Variants in KDM4C observed in about 807,000 individuals in gnomAD.
KDM4C encodes the protein lysine-specific demethylase 4C.
Under a neutral mutation model 129.3 loss-of-function variants are expected in KDM4C, and 81 were observed. The ratio of observed to expected loss-of-function variants is 0.63; its 90% confidence interval spans 0.52 to 0.75. The LOEUF (loss-of-function observed/expected upper bound fraction) is 0.75. Among genes scored for constraint, KDM4C ranks in the 30% least tolerant of loss-of-function variants. The probability of loss-of-function intolerance (pLI) is 0.00; values close to 1 mark genes in which losing one functional copy is unlikely to be tolerated. For synonymous variants in KDM4C, 573 were observed against 456.1 expected, an observed-to-expected ratio of 1.26 and a Z score of -3.26; for missense variants, 1,457 against 1,304.0, an observed-to-expected ratio of 1.12 and a Z score of -1.81.
intron 17 of KDM4C, among the ~76,000 whole-genome samples, chr9:7,068,281 G>C (rs988903275): frequency 7.2e-5 from 11 of 151,880 alleles, no homozygotes; most frequent in Admixed American, 4.6e-4. Context: ...TCCTCCTTTG[G>C]TCTTACTATA....
At chr9:6,760,807 C>T (rs910899673) in intron 1 of KDM4C, among the ~76,000 whole-genome samples, 4 of 151,494 alleles carry the variant, frequency 2.6e-5, no homozygotes, top group African/African-American at 7.3e-5. Flanking sequence ...CTCCTGACCT[C>T]GTGATCTGCC....
chr9:6,867,632 C>T (rs1404126473), intron 5 of KDM4C, among the ~76,000 whole-genome samples: 1 of 152,120 alleles, frequency 6.6e-6, no homozygotes, highest in Non-Finnish European at 1.5e-5. Context: ...ATGCTTGATG[C>T]TGTTACAAAA....
At chr9:6,725,450 T>C (rs1817090243) in intron 1 of KDM4C, among the ~76,000 whole-genome samples, 1 of 152,106 alleles carries the variant, frequency 6.6e-6, no homozygotes, top group Non-Finnish European at 1.5e-5. Flanking sequence ...TAATTTTCCA[T>C]CTTCTCTGTC....
At chr9:6,845,186 G>T (rs1837631798) in intron 4 of KDM4C, among the ~76,000 whole-genome samples, 1 of 152,168 alleles carries the variant, frequency 6.6e-6, no homozygotes, top group African/African-American at 2.4e-5. Context: ...GGATGGCCTA[G>T]TTGAGACATT....
intron 5 of KDM4C, among the ~76,000 whole-genome samples, chr9:6,853,691 G>T (rs1839261585): frequency 6.6e-6 from 1 of 152,188 alleles, no homozygotes; most frequent in Non-Finnish European, 1.5e-5. Context: ...ATTTCTGGTT[G>T]AAGGTTTAGG....
At chr9:6,852,486 TTTA>T (rs1225192447) in intron 5 of KDM4C, among the ~76,000 whole-genome samples, 1 of 152,128 alleles carries the variant, frequency 6.6e-6, no homozygotes, top group Non-Finnish European at 1.5e-5. Flanking sequence ...CAGGAATATT[TTTA>T]TTGAGTTGAC....
intron 8 of KDM4C, among the ~76,000 whole-genome samples, chr9:6,936,611 A>G (rs369830111): frequency 6.6e-6 from 1 of 152,202 alleles, no homozygotes; most frequent in Non-Finnish European, 1.5e-5. Flanking sequence ...GTTGAACGCC[A>G]TATCATTCTG....
chr9:6,863,727 A>G (rs201614504), intron 5 of KDM4C, among the ~76,000 whole-genome samples: 1 of 150,684 alleles, frequency 6.6e-6, no homozygotes, highest in African/African-American at 2.4e-5. Flanking sequence ...CCTGGGAGGC[A>G]GAGCTTGCAG....
chr9:7,125,348 TC>T (rs983993421), intron 18 of KDM4C, among the ~76,000 whole-genome samples: 3 of 152,182 alleles, frequency 2.0e-5, no homozygotes, highest in African/African-American at 7.2e-5. Context: ...TAGAATGTGT[TC>T]CATCAGTCTT....
At chr9:7,163,771 A>G (rs980034368) in intron 19 of KDM4C, among the ~76,000 whole-genome samples, 4 of 152,170 alleles carry the variant, frequency 2.6e-5, no homozygotes, top group African/African-American at 9.7e-5. Context: ...TACCCTTTCA[A>G]TTCCACATGC....
At chr9:6,908,909 TG>T (rs1395040441) in intron 8 of KDM4C, among the ~76,000 whole-genome samples, 1 of 152,204 alleles carries the variant, frequency 6.6e-6, no homozygotes, top group East Asian at 1.9e-4. Flanking sequence ...GAGTAGTGAC[TG>T]ACACATGGCA....
chr9:6,732,359 T>C (rs1461621884), intron 1 of KDM4C, among the ~76,000 whole-genome samples: 8 of 83,392 alleles, frequency 9.6e-5, no homozygotes, highest in Admixed American at 2.1e-4. Flanking sequence ...AGCAAGACTC[T>C]GTCTCAAAAA....
Position 6,855,620 on chromosome 9 carries a change from C to T in KDM4C, c.629+5920C>T, listed in dbSNP as rs75206429. Reference sequence around the variant, plus strand: ...CCTTTCCCTTTATTTCTCCCTCCCTCCACTCTCTTCTATTCACCTTACCCC... The same window carrying T: ...CCTTTCCCTTTATTTCTCCCTCCCTTCACTCTCTTCTATTCACCTTACCCC... On this transcript the variant is annotated intron_variant, in intron 5 of 21. Transcript: ENST00000381309. Among the ~76,000 whole-genome samples the T allele has an allele frequency of 2.5e-4, 38 of 152,250 alleles. No individual in the cohort carries two copies. In the East Asian group the frequency reaches 6.9e-3, roughly 28 times the overall value.
At chr9:6,938,672 T>C (rs77387324) in intron 8 of KDM4C, among the ~76,000 whole-genome samples, 3,916 of 152,288 alleles carry the variant, frequency 0.026, 219 homozygotes, top group East Asian at 0.23. Context: ...ATGCAGAGCC[T>C]TTTGAAGAGT....
At chr9:6,882,307 A>G (rs951398773) in intron 6 of KDM4C, among the ~76,000 whole-genome samples, 8 of 152,244 alleles carry the variant, frequency 5.3e-5, no homozygotes, top group Non-Finnish European at 8.8e-5. Context: ...GAAGAGAGTT[A>G]TAATGTTAAA....
At chr9:6,881,444 C>T (rs1844441837) in intron 6 of KDM4C, among the ~76,000 whole-genome samples, 1 of 152,142 alleles carries the variant, frequency 6.6e-6, no homozygotes, top group East Asian at 1.9e-4. Context: ...TACTGTAACA[C>T]TTAACTACGT....
In KDM4C at chr9:7,136,260, T is replaced by A. The variant is rs151318429; in HGVS notation, c.2781+8024T>A. Among the ~76,000 whole-genome samples the A allele has an allele frequency of 2.7e-3, 409 of 152,358 alleles. 4 individuals carry two copies. The highest frequency in any genetic ancestry group is 8.9e-3 in the African/African-American group (371 of 41,588). ...ATGGACATTTGGATTATTTCCTGTT[T>A]GGGGCTATTATAAATAATTCTGCCG... On this transcript the variant is annotated intron_variant, in intron 19 of 21. Coordinates refer to ENST00000381309, the MANE Select transcript of KDM4C (RefSeq NM_015061.6).
chr9:6,983,380 A>T (rs1817102605), intron 9 of KDM4C, among the ~76,000 whole-genome samples: 1 of 152,184 alleles, frequency 6.6e-6, no homozygotes. Context: ...GCTGGAAAAT[A>T]CTCAGGAAGA....
Position 6,743,289 on chromosome 9 carries a change from G to A in KDM4C, c.49+22292G>A, listed in dbSNP as rs72697599. ...TTCAACGACATCACTGAGGCACTTC[G>A]TTCAAGCAAAATTACATCTACCTTG... is the stretch of plus-strand genomic sequence containing the variant. On this transcript the variant is annotated intron_variant, in intron 1 of 17. Transcript: ENST00000536108. 1.3e-4 allele frequency among the ~76,000 whole-genome samples: 20 copies of A among 152,208 alleles called. No homozygotes were observed. The East Asian group carries it at 1.7e-3, about 13-fold the overall frequency.
Sources: gnomAD v4.1 joint callset for allele counts (sites outside exome capture counted in the v4.1 genomes callset) on GRCh38, gnomAD v4.1.1 for gene constraint, MANE v1.5 for transcripts, NCBI Gene and HGNC (gene_info 2026-07-23, HGNC 2026-07-21) for gene names.